PCDHGA9: variants seen among roughly 807,000 people sequenced by gnomAD.
The protein encoded by PCDHGA9 is protocadherin gamma-A9.
A neutral mutation model predicts 62.5 loss-of-function variants in PCDHGA9; 37 were observed. That is an observed-to-expected ratio of 0.59 (90% CI 0.46 to 0.78). PCDHGA9 has a LOEUF of 0.78. Among genes scored for constraint, PCDHGA9 ranks in the 30% least tolerant of loss-of-function variants. The pLI, the probability that PCDHGA9 is intolerant of heterozygous loss-of-function variation, is 0.00. For missense variants in PCDHGA9, 1,138 were observed against 1,166.2 expected (o/e 0.98, Z 0.35); for synonymous variants, 459 against 484.6 (o/e 0.95, Z 0.69).
At chr5:141,438,957 CACCCTGCCA>C (rs1022731551) in intron 1 of PCDHGA9, among the ~76,000 whole-genome samples, 2 of 152,144 alleles carry the variant, frequency 1.3e-5, no homozygotes, top group East Asian at 3.9e-4. Flanking sequence ...TGAGCCACCG[CACCCTGCCA>C]ACTGTCTGAC....
chr5:141,504,474 G>A (rs903417314), intron 2 of PCDHGA9, among the ~76,000 whole-genome samples: 1 of 152,066 alleles, frequency 6.6e-6, no homozygotes, highest in African/African-American at 2.4e-5. Context: ...TGGGATGGGA[G>A]TACAGTGGAG....
chr5:141,451,116 CCA>C (rs1257364243), intron 1 of PCDHGA9, among the ~76,000 whole-genome samples: 1 of 152,200 alleles, frequency 6.6e-6, no homozygotes, highest in Non-Finnish European at 1.5e-5. Context: ...GCGTGAGCCA[CCA>C]CACCCAGCCT....
chr5:141,468,315 C>T (rs1197043569), intron 1 of PCDHGA9: 4 of 120,552 alleles, frequency 3.3e-5, no homozygotes, highest in Non-Finnish European at 5.0e-5. Context: ...ACAAGAGCAA[C>T]GGTAAACTCC....
Position 141,485,422 on chromosome 5 carries a change from C to G in PCDHGA9, c.2425-9385C>G, listed in dbSNP as rs775279056. 6.2e-7 allele frequency: 1 copy of G among 1,614,130 alleles called. No homozygotes were observed. Among genetic ancestry groups the G allele is most frequent in the East Asian group, 2.2e-5 (1 of 44,872 alleles). ...TCCGTGTGGATTTGGACAGCGGAGC[C>G]CTGCTCATCAAGAACCCAATCGACC... On this transcript the variant is annotated intron_variant, in intron 1 of 3. Transcript: ENST00000573521. The surrounding 1 kb of genome is among the most constrained non-coding windows in gnomAD (Gnocchi z 5.7).
At chr5:141,444,119 T>G (rs1236466434) in intron 1 of PCDHGA9, among the ~76,000 whole-genome samples, 4 of 146,736 alleles carry the variant, frequency 2.7e-5, no homozygotes, top group African/African-American at 1.0e-4. Context: ...AAGTGAAGTA[T>G]CTCAACAGAT....
At chr5:141,479,573 C>A (rs1468041584) in intron 1 of PCDHGA9, 1 of 152,230 alleles carries the variant, frequency 6.6e-6, no homozygotes, top group Admixed American at 6.5e-5. Flanking sequence ...GGGATGACAT[C>A]TGTGAATAGC....
chr5:141,490,686 C>T lies in PCDHGA9; in HGVS notation c.2425-4121C>T. The T allele has an allele frequency of 3.7e-6, 6 of 1,614,196 alleles. No homozygotes were observed. The highest frequency in any genetic ancestry group is 5.1e-6 in the Non-Finnish European group (6 of 1,180,014). ...GCACTGTGGCTGCCTCAGATCCAGA[C>T]ACTGGGGATAATGCCCGCCTCACCT... On this transcript the variant is annotated intron_variant, in intron 1 of 3. Coordinates refer to ENST00000573521, the MANE Select transcript of PCDHGA9 (RefSeq NM_018921.3). This position sits in a 1 kb window ranked among gnomAD's most constrained non-coding sequence, Gnocchi z 5.4.
chr5:141,467,897 A>G (rs1403276382), intron 1 of PCDHGA9, among the ~76,000 whole-genome samples: 1 of 152,056 alleles, frequency 6.6e-6, no homozygotes, highest in Non-Finnish European at 1.5e-5. Flanking sequence ...GAGCTCAAGA[A>G]ATCCGCCCAC....
intron 1 of PCDHGA9, among the ~76,000 whole-genome samples, chr5:141,466,292 T>C (rs1050311680): frequency 3.3e-5 from 5 of 152,134 alleles, no homozygotes; most frequent in Non-Finnish European, 5.9e-5. Context: ...CACCTCAGGC[T>C]CCCAAGTAGC....
At position 141,485,662 on chromosome 5, in the gene PCDHGA9, G is replaced by T. The variant is rs778404230; in HGVS notation, c.2425-9145G>T. ...AAAAGGCTCAGGATGCAGATGTGGG[G>T]AGCAATTCGATTAGCAGCTATAGGC... On this transcript the variant is annotated intron_variant, in intron 1 of 3. Coordinates refer to ENST00000573521, the MANE Select transcript of PCDHGA9 (RefSeq NM_018921.3). This position sits in a 1 kb window ranked among gnomAD's most constrained non-coding sequence, Gnocchi z 5.7. The T allele has an allele frequency of 1.1e-5, 18 of 1,612,748 alleles. No individual in the cohort carries two copies. The South Asian group carries it at 1.9e-4, about 17-fold the overall frequency.
At chr5:141,439,547 T>C (rs2098120171) in intron 1 of PCDHGA9, among the ~76,000 whole-genome samples, 2 of 152,180 alleles carry the variant, frequency 1.3e-5, no homozygotes, top group Non-Finnish European at 2.9e-5. Context: ...CTCTCATTTC[T>C]TCAGGCTGCA....
rs781433913 is a variant in PCDHGA9, at chr5:141,404,142, CAGA to C, written c.1197_1199del (p.Glu399del). ...AATCTATCTTTTACATTAGAAAATT[CAGA>C]AGAAGATTATTACAGATTGTTGACG... is the stretch of plus-strand genomic sequence containing the variant. On this transcript the variant is annotated inframe_deletion, in exon 1 of 4. Transcript: ENST00000573521. The C allele has an allele frequency of 1.3e-5, 21 of 1,612,668 alleles. No individual in the cohort carries two copies. The highest frequency in any genetic ancestry group is 1.6e-4 in the Middle Eastern group (1 of 6,084).
At chr5:141,444,531 C>T (rs1021207516) in intron 1 of PCDHGA9, among the ~76,000 whole-genome samples, 2 of 152,100 alleles carry the variant, frequency 1.3e-5, no homozygotes, top group Non-Finnish European at 1.5e-5. Context: ...GAGACAGTGA[C>T]TGTGTCTAGT....
rs759346998 is a variant in PCDHGA9 at position 141,410,849 on chromosome 5, C to CTTTTTTTTTTTTT, written c.2424+5483_2424+5495dup. 1.9e-3 allele frequency: 267 copies of CTTTTTTTTTTTTT among 138,158 alleles called. 27 individuals carry two copies. The highest frequency in any genetic ancestry group is 5.5e-3 in the African/African-American group (91 of 16,622). 8.6% of individuals were successfully genotyped at this position (138,158 alleles called of 1,614,324 possible). A position where few individuals can be genotyped will look rare whatever the true frequency, so the allele number is the denominator to read the frequency against. ...CAGACTGAAGATATTTTGTCTTTGT[C>CTTTTTTTTTTTTT]TTTTTTTTTTTTTTTTTTTTTTGAG... On this transcript the variant is annotated intron_variant, in intron 1 of 3. Coordinates refer to ENST00000573521, the MANE Select transcript of PCDHGA9 (RefSeq NM_018921.3).
intron 1 of PCDHGA9, among the ~76,000 whole-genome samples, chr5:141,473,706 G>C (rs1241009670): frequency 6.6e-6 from 1 of 152,186 alleles, no homozygotes; most frequent in African/African-American, 2.4e-5. Context: ...CCTCCAAGTG[G>C]TGCAATGGAA....
intron 1 of PCDHGA9, chr5:141,422,327 T>C (rs1561800795): frequency 1.3e-6 from 2 of 1,548,652 alleles, no homozygotes; most frequent in African/African-American, 2.8e-5. Context: ...GGTACAGTGA[T>C]TGCTCTTCTA....
rs1233801398 is a variant in PCDHGA9, at chr5:141,431,238, C to T, written c.2424+25862C>T. The stretch of plus-strand genomic sequence containing the variant: ...TTCCCTCTACCCCACGCCTGGGATC[C>T]GGATATCGGGAAGAACTCTCTGCAG... On this transcript the variant is annotated intron_variant, in intron 1 of 3. Coordinates refer to ENST00000573521, the MANE Select transcript of PCDHGA9 (RefSeq NM_018921.3). This position sits in a 1 kb window ranked among gnomAD's most constrained non-coding sequence, Gnocchi z 4.8. The T allele has an allele frequency of 3.7e-6, 6 of 1,614,156 alleles. No homozygotes were observed. Among genetic ancestry groups the T allele is most frequent in the Non-Finnish European group, 8.5e-7 (1 of 1,180,038 alleles).
chr5:141,451,414 A>G (rs934393544), intron 1 of PCDHGA9, among the ~76,000 whole-genome samples: 2 of 152,108 alleles, frequency 1.3e-5, no homozygotes, highest in African/African-American at 2.4e-5. Flanking sequence ...TTCCTTGTGG[A>G]TTGTTAGACT....
rs983317324 is a variant in PCDHGA9, at chr5:141,431,891, G to A, written c.2424+26515G>A. The stretch of plus-strand genomic sequence containing the variant: ...AAATGTAAATGACCAAGATTCTGAG[G>A]AAAACGGACAGGTGATCTGTTTCAT... On this transcript the variant is annotated intron_variant, in intron 1 of 3. Transcript: ENST00000573521. The surrounding 1 kb of genome is among the most constrained non-coding windows in gnomAD (Gnocchi z 4.8). 16 of 1,614,072 alleles carry A rather than the reference G, an allele frequency of 9.9e-6. No homozygotes were observed. The highest frequency in any genetic ancestry group is 2.7e-5 in the African/African-American group (2 of 74,934).
Sources: gnomAD v4.1 joint callset for allele counts (sites outside exome capture counted in the v4.1 genomes callset) on GRCh38, gnomAD v4.1.1 for gene constraint, Gnocchi (gnomAD v3.1) non-coding constraint, MANE v1.5 for transcripts, NCBI Gene and HGNC (gene_info 2026-07-23, HGNC 2026-07-21) for gene names.